GRM5: variants seen among roughly 807,000 people sequenced by gnomAD.
GRM5 encodes metabotropic glutamate receptor 5.
GRM5 carries 19 observed loss-of-function variants against 83.1 expected under a neutral mutation model. That is an observed-to-expected ratio of 0.23 (90% CI 0.16 to 0.34). The LOEUF (loss-of-function observed/expected upper bound fraction) is 0.34, where lower values mean the gene tolerates loss of function less well. Ranked by LOEUF, GRM5 falls within the 10% of genes least tolerant of loss-of-function variation. The pLI, the probability that GRM5 is intolerant of heterozygous loss-of-function variation, is 1.00. For synonymous variants in GRM5, 675 were observed against 633.6 expected, an observed-to-expected ratio of 1.07 and a Z score of -0.98; for missense variants, 1,160 against 1,588.3, an observed-to-expected ratio of 0.73 and a Z score of 4.58.
intron 3 of GRM5, among the ~76,000 whole-genome samples, chr11:88,804,202 C>G (rs1384807367): frequency 2.0e-5 from 3 of 149,322 alleles, no homozygotes; most frequent in Non-Finnish European, 4.4e-5. Context: ...ACCCAAAGGA[C>G]TATAAATCAT....
At chr11:89,054,749 A>G (rs1230236479) in intron 1 of GRM5, among the ~76,000 whole-genome samples, 1 of 152,186 alleles carries the variant, frequency 6.6e-6, no homozygotes. Context: ...TGAAGTATTC[A>G]TGTTGTATCA....
intron 3 of GRM5, among the ~76,000 whole-genome samples, chr11:88,731,789 C>G (rs1941813827): frequency 6.6e-6 from 1 of 151,952 alleles, no homozygotes; most frequent in East Asian, 1.9e-4. Context: ...AAAACAATCA[C>G]AGCATCCATT....
chr11:88,651,899 A>G lies in GRM5; in HGVS notation c.1147+1269T>C, dbSNP rs112292820. ...CATTGACTATCTCCATCATTTCCCA[A>G]AAGAACAAACTGATACCAGAAACAC... is the stretch of plus-strand genomic sequence containing the variant. On this transcript the variant is annotated intron_variant, in intron 4 of 9. Transcript: ENST00000305447. 4.5e-3 allele frequency among the ~76,000 whole-genome samples: 680 copies of G among 152,210 alleles called. 2 individuals are homozygous for G. The highest frequency in any genetic ancestry group is 0.015 in the African/African-American group (615 of 41,558).
At chr11:88,873,950 C>G (rs1457202615) in intron 2 of GRM5, among the ~76,000 whole-genome samples, 2 of 151,366 alleles carry the variant, frequency 1.3e-5, no homozygotes, top group African/African-American at 4.8e-5. Flanking sequence ...CAACTATACC[C>G]CTAACAAATT....
At chr11:88,564,078 T>A (rs1380388137) in intron 8 of GRM5, among the ~76,000 whole-genome samples, 1 of 152,160 alleles carries the variant, frequency 6.6e-6, no homozygotes, top group Non-Finnish European at 1.5e-5. Flanking sequence ...CTTTTTCTTA[T>A]CCATATCAAA....
chr11:88,660,320 T>C (rs1939871470), intron 3 of GRM5, among the ~76,000 whole-genome samples: 1 of 152,232 alleles, frequency 6.6e-6, no homozygotes, highest in South Asian at 2.1e-4. Flanking sequence ...ATTAGTATTC[T>C]GGATATTTCC....
At chr11:89,033,208 C>T (rs1411999847) in intron 2 of GRM5, among the ~76,000 whole-genome samples, 3 of 151,966 alleles carry the variant, frequency 2.0e-5, no homozygotes, top group African/African-American at 7.2e-5. Flanking sequence ...TGTCATCTTG[C>T]AAATGAGGAT....
At chr11:89,058,653 T>C (rs991333398) in intron 1 of GRM5, among the ~76,000 whole-genome samples, 12 of 152,188 alleles carry the variant, frequency 7.9e-5, no homozygotes, top group Non-Finnish European at 7.3e-5. Context: ...GTCTGTATTA[T>C]CTTGTTGAAA....
intron 3 of GRM5, among the ~76,000 whole-genome samples, chr11:88,769,928 A>G (rs12271862): frequency 0.025 from 3,816 of 152,122 alleles, 167 homozygotes; most frequent in African/African-American, 0.088. Flanking sequence ...TGGGGAGGAG[A>G]TAGTAAATTT....
At chr11:88,611,079 G>T (rs188371809) in intron 4 of GRM5, among the ~76,000 whole-genome samples, 298 of 152,190 alleles carry the variant, frequency 2.0e-3, no homozygotes, top group African/African-American at 6.8e-3. Context: ...CTTGATGGTG[G>T]TTAATTAACA....
At chr11:88,828,327 G>T (rs1185124592) in intron 3 of GRM5, among the ~76,000 whole-genome samples, 3 of 152,164 alleles carry the variant, frequency 2.0e-5, no homozygotes, top group Admixed American at 2.0e-4. Flanking sequence ...CCAGAATCCA[G>T]ATATAATTGT....
chr11:88,649,978 A>G (rs984036062), intron 4 of GRM5, among the ~76,000 whole-genome samples: 4 of 151,582 alleles, frequency 2.6e-5, no homozygotes, highest in African/African-American at 9.7e-5. Context: ...TGGCAATTGC[A>G]AAAAAAATTC....
In GRM5 at chr11:89,048,565, T is replaced by C. The variant is rs531888438; in HGVS notation, c.-200-493A>G. ...TAATTATGCAATTACAAAAATAAAATTATCTTTTCAAAAATACCTCACATA... is the reference window on the plus strand; with the variant it reads ...TAATTATGCAATTACAAAAATAAAACTATCTTTTCAAAAATACCTCACATA... On this transcript the variant is annotated intron_variant, in intron 1 of 9. Transcript: ENST00000305447. 2.6e-4 allele frequency among the ~76,000 whole-genome samples: 39 copies of C among 152,308 alleles called. No homozygotes were observed. The South Asian group carries it at 8.1e-3, about 32-fold the overall frequency.
At position 88,543,794 on chromosome 11, in the gene GRM5, T is replaced by G. The variant is rs117125185; in HGVS notation, c.2631-18390A>C. On this transcript the variant is annotated intron_variant, in intron 8 of 9. Transcript: ENST00000305447. ...AAAGTTATCTGGGGGAAGGATGGTATTGTATTCATTTTTATATCTCCAGTG... is the reference window on the plus strand; with the variant it reads ...AAAGTTATCTGGGGGAAGGATGGTAGTGTATTCATTTTTATATCTCCAGTG... Among the ~76,000 whole-genome samples the G allele has an allele frequency of 0.011, 1,613 of 152,188 alleles. 100 individuals carry two copies. The South Asian group carries it at 0.16, about 15-fold the overall frequency.
chr11:88,634,758 C>T (rs567165487), intron 4 of GRM5, among the ~76,000 whole-genome samples: 16 of 152,176 alleles, frequency 1.1e-4, no homozygotes, highest in African/African-American at 3.9e-4. Context: ...AATACATAAA[C>T]GTTATTATTT....
chr11:88,886,506 G>A (rs1945046474), intron 2 of GRM5, among the ~76,000 whole-genome samples: 1 of 152,116 alleles, frequency 6.6e-6, no homozygotes, highest in Non-Finnish European at 1.5e-5. Context: ...AGGATTGCTA[G>A]GGAGAACATG....
intron 8 of GRM5, among the ~76,000 whole-genome samples, chr11:88,547,075 C>T (rs1166755950): frequency 2.0e-5 from 3 of 152,056 alleles, no homozygotes; most frequent in African/African-American, 7.2e-5. Flanking sequence ...CATTAAAAAA[C>T]AGTTTTACCT....
intron 3 of GRM5, among the ~76,000 whole-genome samples, chr11:88,803,345 T>C (rs1033359830): frequency 2.6e-5 from 4 of 151,586 alleles, no homozygotes; most frequent in East Asian, 1.9e-4. Flanking sequence ...GAGATATAGA[T>C]CAATGGAACA....
At chr11:89,023,985 A>G (rs561079874) in intron 2 of GRM5, among the ~76,000 whole-genome samples, 100 of 152,174 alleles carry the variant, frequency 6.6e-4, no homozygotes, top group Middle Eastern at 3.4e-3. Flanking sequence ...CAGCACTTTG[A>G]GAGATGGATC....
Sources: gnomAD v4.1 joint callset for allele counts (sites outside exome capture counted in the v4.1 genomes callset) on GRCh38, gnomAD v4.1.1 for gene constraint, MANE v1.5 for transcripts, NCBI Gene and HGNC (gene_info 2026-07-23, HGNC 2026-07-21) for gene names.